CCDC102B: variants seen among roughly 807,000 people sequenced by gnomAD.
CCDC102B encodes the protein coiled-coil domain-containing protein 102B.
Under a neutral mutation model 57.4 loss-of-function variants are expected in CCDC102B, and 75 were observed. That is an observed-to-expected ratio of 1.31 (90% CI 1.08 to 1.58). CCDC102B has a LOEUF of 1.58. Ranked by LOEUF, CCDC102B falls within the 40% of genes most tolerant of loss-of-function variation. The pLI, the probability that CCDC102B is intolerant of heterozygous loss-of-function variation, is 0.00. For missense variants in CCDC102B, 636 were observed against 582.6 expected (o/e 1.09, Z -0.94); for synonymous variants, 206 against 201.9 (o/e 1.02, Z -0.17).
intron 7 of CCDC102B, among the ~76,000 whole-genome samples, chr18:69,046,292 TCTGG>T (rs937014545): frequency 6.6e-6 from 1 of 152,170 alleles, no homozygotes; most frequent in Non-Finnish European, 1.5e-5. Context: ...TAATAGCCAT[TCTGG>T]CTGGTATAAG....
At chr18:68,849,605 T>TG (rs566939491) in intron 4 of CCDC102B, among the ~76,000 whole-genome samples, 51 of 152,206 alleles carry the variant, frequency 3.4e-4, no homozygotes, top group African/African-American at 1.2e-3. Flanking sequence ...CATCGGATCG[T>TG]ATTAGCCCAT....
At chr18:68,982,847 G>T (rs2050627486) in intron 6 of CCDC102B, among the ~76,000 whole-genome samples, 1 of 151,620 alleles carries the variant, frequency 6.6e-6, no homozygotes, top group Non-Finnish European at 1.5e-5. Flanking sequence ...TAAGAATGTA[G>T]TAAAGTATTA....
intron 6 of CCDC102B, among the ~76,000 whole-genome samples, chr18:68,927,318 A>G (rs1456122222): frequency 1.3e-5 from 2 of 152,034 alleles, no homozygotes; most frequent in African/African-American, 2.4e-5. Flanking sequence ...GTCATCTTCA[A>G]TTAAGCATTT....
intron 2 of CCDC102B, among the ~76,000 whole-genome samples, chr18:68,732,619 T>G (rs180859054): frequency 6.6e-6 from 1 of 152,244 alleles, no homozygotes; most frequent in Non-Finnish European, 1.5e-5. Flanking sequence ...AGTACTGGGA[T>G]TACAGGCATG....
intron 6 of CCDC102B, among the ~76,000 whole-genome samples, chr18:68,935,296 G>T (rs144476226): frequency 6.0e-4 from 92 of 152,070 alleles, no homozygotes; most frequent in Middle Eastern, 3.4e-3. Flanking sequence ...TTGAAGGTAA[G>T]GTTGAGAAGA....
intron 6 of CCDC102B, among the ~76,000 whole-genome samples, chr18:68,913,797 CCTATT>C (rs954983738): frequency 1.3e-5 from 2 of 152,132 alleles, no homozygotes; most frequent in Non-Finnish European, 2.9e-5. Context: ...ACAGGCAGTT[CCTATT>C]CTATTACTCT....
At chr18:69,042,665 T>C (rs530600793) in intron 7 of CCDC102B, among the ~76,000 whole-genome samples, 1 of 152,252 alleles carries the variant, frequency 6.6e-6, no homozygotes, top group East Asian at 1.9e-4. Context: ...ATTACTGTAA[T>C]AATCTCCACT....
chr18:68,736,540 G>T (rs1346663521), intron 2 of CCDC102B, among the ~76,000 whole-genome samples: 2 of 151,888 alleles, frequency 1.3e-5, no homozygotes, highest in Non-Finnish European at 2.9e-5. Flanking sequence ...TAAGCATATG[G>T]TTCTTATATA....
chr18:68,970,043 T>G (rs909163865), intron 6 of CCDC102B, among the ~76,000 whole-genome samples: 1 of 152,100 alleles, frequency 6.6e-6, no homozygotes, highest in African/African-American at 2.4e-5. Flanking sequence ...GTTGTTTTCC[T>G]TATTGAATTT....
At chr18:68,894,951 G>T (rs1364917989) in intron 5 of CCDC102B, among the ~76,000 whole-genome samples, 1 of 151,768 alleles carries the variant, frequency 6.6e-6, no homozygotes, top group African/African-American at 2.4e-5. Flanking sequence ...ACATTTAAAA[G>T]AATACTGCAA....
At chr18:68,854,757 A>G (rs1270604657) in intron 4 of CCDC102B, among the ~76,000 whole-genome samples, 1 of 152,216 alleles carries the variant, frequency 6.6e-6, no homozygotes, top group Non-Finnish European at 1.5e-5. Context: ...TGATCAGCAG[A>G]TGCTTGAAGA....
At chr18:69,011,161 T>C in intron 7 of CCDC102B, 57 bp downstream of exon 7, 1 of 1,408,688 alleles carries the variant, frequency 7.1e-7, no homozygotes, top group Non-Finnish European at 9.6e-7. Flanking sequence ...TTTTAGAGCA[T>C]ATCTAAAGAT....
chr18:68,811,457 A>G (rs2036261101), intron 1 of CCDC102B, among the ~76,000 whole-genome samples: 1 of 152,192 alleles, frequency 6.6e-6, no homozygotes, highest in African/African-American at 2.4e-5. Context: ...TCTACTAAGA[A>G]TACAAAAATT....
intron 6 of CCDC102B, among the ~76,000 whole-genome samples, chr18:68,903,156 G>A (rs2040510581): frequency 6.6e-6 from 1 of 152,194 alleles, no homozygotes; most frequent in African/African-American, 2.4e-5. Flanking sequence ...GAGAGGCACA[G>A]ACAGAGGGGA....
At chr18:68,939,259 T>G (rs537413579) in intron 6 of CCDC102B, among the ~76,000 whole-genome samples, 1 of 151,896 alleles carries the variant, frequency 6.6e-6, no homozygotes, top group African/African-American at 2.4e-5. Context: ...TGTTTTGCCT[T>G]TCCTTATTCT....
intron 6 of CCDC102B, among the ~76,000 whole-genome samples, chr18:68,911,510 T>C (rs922435605): frequency 2.0e-5 from 3 of 150,284 alleles, no homozygotes; most frequent in Non-Finnish European, 2.9e-5. Flanking sequence ...CCCAGCACTT[T>C]GGGAGGCCGA....
At chr18:68,877,560 A>G (rs963959417) in intron 5 of CCDC102B, among the ~76,000 whole-genome samples, 1 of 152,214 alleles carries the variant, frequency 6.6e-6, no homozygotes, top group Non-Finnish European at 1.5e-5. Flanking sequence ...TTTCATGTCA[A>G]CATATCAATT....
intron 2 of CCDC102B, among the ~76,000 whole-genome samples, chr18:68,751,443 G>A (rs1292319205): frequency 6.6e-6 from 1 of 152,022 alleles, no homozygotes; most frequent in Non-Finnish European, 1.5e-5. Context: ...CACTATGCTT[G>A]GGGGCCGCTG....
At chr18:68,833,510 T>C (rs2037233859) in intron 1 of CCDC102B, among the ~76,000 whole-genome samples, 1 of 151,456 alleles carries the variant, frequency 6.6e-6, no homozygotes, top group Non-Finnish European at 1.5e-5. Flanking sequence ...CAGAGAAAAA[T>C]GTATGCTTTG....
Sources: gnomAD v4.1 joint callset for allele counts (sites outside exome capture counted in the v4.1 genomes callset) on GRCh38, gnomAD v4.1.1 for gene constraint, MANE v1.5 for transcripts, NCBI Gene and HGNC (gene_info 2026-07-23, HGNC 2026-07-21) for gene names.